Variants in CYTIP observed in about 807,000 individuals in gnomAD.
CYTIP encodes cytohesin 1 interacting protein.
A neutral mutation model predicts 43.8 loss-of-function variants in CYTIP; 26 were observed. The observed-to-expected ratio is 0.59, with a 90% CI of 0.44 to 0.82. CYTIP has a LOEUF of 0.82. CYTIP is among the 40% of genes least tolerant of loss of function. The pLI is 0.00. For synonymous variants in CYTIP, 162 were observed against 162.9 expected, an observed-to-expected ratio of 0.99 and a Z score of 0.04; for missense variants, 426 against 443.1, an observed-to-expected ratio of 0.96 and a Z score of 0.35.
Position 157,415,025 on chromosome 2 carries a change from A to G in CYTIP, c.*652T>C, listed in dbSNP as rs181128977. On this transcript the variant is annotated 3_prime_UTR_variant, in exon 8 of 8. Coordinates refer to ENST00000264192, the MANE Select transcript of CYTIP (RefSeq NM_004288.5). ...CGACATCCCCACCCATTTTGTTTAG[A>G]CTGTCTATAAAAATGACTTTATTAT... The G allele has an allele frequency of 6.6e-6, 1 of 152,198 alleles. No individual in the cohort carries two copies. The highest frequency in any genetic ancestry group is 6.5e-5 in the Admixed American group (1 of 15,270). The allele number at this position is 152,198 out of a possible 1,614,324, so 9.4% of individuals were successfully genotyped here.
chr2:157,429,899 T>A (rs1685682178), intron 5 of CYTIP, among the ~76,000 whole-genome samples: 1 of 151,758 alleles, frequency 6.6e-6, no homozygotes, highest in South Asian at 2.1e-4. Flanking sequence ...GGTGGGCGCC[T>A]GTAGTCCCAG....
intron 3 of CYTIP, among the ~76,000 whole-genome samples, chr2:157,433,243 G>C (rs1052390910): frequency 1.3e-5 from 2 of 152,154 alleles, no homozygotes; most frequent in African/African-American, 2.4e-5. Context: ...GAGTAAGAGG[G>C]AGCACTATGC....
chr2:157,432,128 A>T (rs1464788866), intron 3 of CYTIP, among the ~76,000 whole-genome samples: 7 of 152,174 alleles, frequency 4.6e-5, no homozygotes, highest in Non-Finnish European at 1.0e-4. Context: ...CATGAATAAA[A>T]TATACAACTG....
At chr2:157,438,819 G>T in intron 1 of CYTIP, 1 of 194,364 alleles carries the variant, frequency 5.1e-6, no homozygotes. Flanking sequence ...CTGCTAAGTG[G>T]ATGAATGGTG....
chr2:157,440,286 A>G (rs1685885157), intron 1 of CYTIP, among the ~76,000 whole-genome samples: 1 of 152,198 alleles, frequency 6.6e-6, no homozygotes, highest in African/African-American at 2.4e-5. Context: ...ATGCAACAAA[A>G]TAATGGAGCT....
rs913710966 is a variant in CYTIP, at chr2:157,434,236, A to G, written c.279+134T>C. On this transcript the variant is annotated intron_variant, in intron 3 of 7. Transcript: ENST00000264192. ...CAACACACTGAAAAACTACCCCCAAACAGCCACACACTGAATAAAAGTCAT... is the reference window on the plus strand; with the variant it reads ...CAACACACTGAAAAACTACCCCCAAGCAGCCACACACTGAATAAAAGTCAT... 7 of 752,992 alleles carry G rather than the reference A, an allele frequency of 9.3e-6. No homozygotes were observed. In the African/African-American group the frequency reaches 1.1e-4, roughly 11 times the overall value. 46.6% of individuals were successfully genotyped at this position (752,992 alleles called of 1,614,324 possible). A position where few individuals can be genotyped will look rare whatever the true frequency, so the allele number is the denominator to read the frequency against.
chr2:157,418,366 C>T (rs1002067623), intron 7 of CYTIP, among the ~76,000 whole-genome samples, 157 bp downstream of exon 7: 1 of 152,144 alleles, frequency 6.6e-6, no homozygotes, highest in Admixed American at 6.5e-5. Flanking sequence ...CCAAATACAG[C>T]CATTCCAAAG....
At chr2:157,426,276 T>C (rs1031533125) in intron 6 of CYTIP, among the ~76,000 whole-genome samples, 5 of 152,156 alleles carry the variant, frequency 3.3e-5, no homozygotes, top group African/African-American at 1.2e-4. Flanking sequence ...GTGAGAAAAG[T>C]GAAAGCCATA....
rs1292552027 is a variant in CYTIP at position 157,430,727 on chromosome 2, C to T, written c.383-75G>A. The T allele has an allele frequency of 2.0e-6, 3 of 1,491,206 alleles. No homozygotes were observed. The African/African-American group carries it at 4.2e-5, about 21-fold the overall frequency. 92.4% of individuals were successfully genotyped at this position (1,491,206 alleles called of 1,614,324 possible). A position where few individuals can be genotyped will look rare whatever the true frequency, so the allele number is the denominator to read the frequency against. ...CCTCCTGACATGCAAATGAAACAAG[C>T]AGCTCCAAGTCTTAAAAACATAAAG... On this transcript the variant is annotated intron_variant, in intron 4 of 7. Coordinates refer to ENST00000264192, the MANE Select transcript of CYTIP (RefSeq NM_004288.5).
At chr2:157,416,919 A>G (rs1253626595) in intron 7 of CYTIP, among the ~76,000 whole-genome samples, 1 of 151,968 alleles carries the variant, frequency 6.6e-6, no homozygotes, top group Non-Finnish European at 1.5e-5. Context: ...TCACATACCA[A>G]TATGACCCTC....
chr2:157,434,653 T>TC (rs1685778628), intron 2 of CYTIP, 45 bp downstream of exon 2: 1 of 1,437,900 alleles, frequency 7.0e-7, no homozygotes. Flanking sequence ...AGAGCTATGT[T>TC]CCTAAATATT....
chr2:157,434,799 T>C (rs1685781272), intron 1 of CYTIP, 52 bp from the exon 2 acceptor site: 1 of 1,199,698 alleles, frequency 8.3e-7, no homozygotes, highest in Non-Finnish European at 1.2e-6. Context: ...AGATACACTG[T>C]AAAATGTTCT....
Position 157,430,640 on chromosome 2 carries a change from G to T in CYTIP, c.395C>A (p.Ala132Glu). 1 of 1,614,074 alleles carries T rather than the reference G, an allele frequency of 6.2e-7. No homozygotes were observed. Among genetic ancestry groups the T allele is most frequent in the East Asian group, 2.2e-5 (1 of 44,880 alleles). Residue 132 changes from alanine (A) to glutamate (E), a missense_variant, in exon 5 of 8, where the codon GCA becomes GAA. Physicochemically the swap from Ala to Glu is moderately radical, Grantham distance 107 (BLOSUM62 -1). Coordinates refer to ENST00000264192, the MANE Select transcript of CYTIP (RefSeq NM_004288.5). The stretch of plus-strand genomic sequence containing the variant: ...TTCTGTGCTCACACCATTGATATTT[G>T]CAAGGACATCACCTGGGAGATGCCA... ...CAGLQAGDVL[A>E]NINGVSTEGF...
chr2:157,420,758 A>C (rs1258761727), intron 6 of CYTIP, among the ~76,000 whole-genome samples: 1 of 150,922 alleles, frequency 6.6e-6, no homozygotes, highest in Non-Finnish European at 1.5e-5. Context: ...GGACGTAGGG[A>C]GTATAAGGCT....
At chr2:157,435,060 CAATGTGGCAAAAGAGTTAAAAT>C (rs1685790729) in intron 1 of CYTIP, among the ~76,000 whole-genome samples, 1 of 151,936 alleles carries the variant, frequency 6.6e-6, no homozygotes, top group African/African-American at 2.4e-5. Context: ...GATAGTAATA[CAATGTGGCAAAAGAGTTAAAAT>C]AATGTGGCAA....
chr2:157,422,670 CAAAAA>C (rs967207257), intron 6 of CYTIP, among the ~76,000 whole-genome samples: 1 of 64,552 alleles, frequency 1.5e-5, no homozygotes, highest in Non-Finnish European at 3.2e-5. Context: ...AACTCTGTCT[CAAAAA>C]AAAAAAAAAA....
At chr2:157,433,533 G>A (rs1685746142) in intron 3 of CYTIP, among the ~76,000 whole-genome samples, 2 of 152,004 alleles carry the variant, frequency 1.3e-5, no homozygotes, top group Admixed American at 1.3e-4. Flanking sequence ...TCTAAAATCT[G>A]ATATAGAGTG....
In CYTIP at chr2:157,416,092, G is replaced by A; in HGVS notation, c.665C>T (p.Ser222Phe). 1 of 1,613,866 alleles carries A rather than the reference G, an allele frequency of 6.2e-7. No individual in the cohort carries two copies. ...SLENMDLDEL[S>F]LFGPLPGPGP... is the part of the protein sequence containing the mutation. ...TGGCCCAGGCAGGGGTCCAAACAAA[G>A]ACAATTCATCCAAGTCCATGTTTTC... The change falls in exon 8 of 8, where the codon TCT becomes TTT. Residue 222 changes from serine (S) to phenylalanine (F), a missense_variant. Physicochemically the swap from Ser to Phe is radical, Grantham distance 155 (BLOSUM62 -2). Transcript: ENST00000264192.
chr2:157,435,698 T>C (rs1165319173), intron 1 of CYTIP, among the ~76,000 whole-genome samples: 1 of 152,154 alleles, frequency 6.6e-6, no homozygotes, highest in East Asian at 1.9e-4. Flanking sequence ...GCCCAAAACA[T>C]AAGCTACTAG....
Sources: gnomAD v4.1 joint callset for allele counts (sites outside exome capture counted in the v4.1 genomes callset) on GRCh38, gnomAD v4.1.1 for gene constraint, MANE v1.5 for transcripts, NCBI Gene and HGNC (gene_info 2026-07-23, HGNC 2026-07-21) for gene names.